The following SEPTIN10 variants were observed in gnomAD, a reference collection of about 807,000 sequenced individuals.
The protein encoded by SEPTIN10 is septin-10.
SEPTIN10 carries 66 observed loss-of-function variants against 54.8 expected under a neutral mutation model. The observed-to-expected ratio is 1.21, with a 90% CI of 0.99 to 1.48. The LOEUF is 1.48. Ranked by LOEUF, SEPTIN10 falls within the 40% of genes most tolerant of loss-of-function variation. The probability of loss-of-function intolerance (pLI) is 0.00; values close to 1 mark genes in which losing one functional copy is unlikely to be tolerated. For missense variants in SEPTIN10, 620 were observed against 545.6 expected, an observed-to-expected ratio of 1.14 and a Z score of -1.36; for synonymous variants, 161 against 181.0, an observed-to-expected ratio of 0.89 and a Z score of 0.89.
intron 2 of SEPTIN10, among the ~76,000 whole-genome samples, chr2:109,591,872 G>A (rs1191888378): frequency 6.6e-6 from 1 of 152,046 alleles, no homozygotes; most frequent in Non-Finnish European, 1.5e-5. Flanking sequence ...ACTCCAGCCT[G>A]GGCAACAGAG....
intron 1 of SEPTIN10, chr2:109,605,604 A>T (rs1313682893): frequency 6.6e-6 from 1 of 152,260 alleles, no homozygotes; most frequent in Non-Finnish European, 1.5e-5. Context: ...AGAATACCTG[A>T]GGATAAGCTA....
At chr2:109,549,265 T>C (rs1558694956) in intron 9 of SEPTIN10, among the ~76,000 whole-genome samples, 1 of 152,220 alleles carries the variant, frequency 6.6e-6, no homozygotes, top group Non-Finnish European at 1.5e-5. Context: ...TTCTATCACA[T>C]GACTAGAGAT....
intron 1 of SEPTIN10, among the ~76,000 whole-genome samples, chr2:109,601,956 C>T (rs113830640): frequency 0.016 from 2,477 of 152,228 alleles, 58 homozygotes; most frequent in African/African-American, 0.056. Flanking sequence ...TGGAAATGCG[C>T]TTCCCGAGGG....
intron 1 of SEPTIN10, chr2:109,605,736 T>C (rs1419667036): frequency 6.6e-6 from 1 of 152,226 alleles, no homozygotes; most frequent in East Asian, 1.9e-4. Flanking sequence ...GGTTCTTTAG[T>C]CCTCAGAGTT....
At chr2:109,545,848 A>C in intron 10 of SEPTIN10, 2 of 1,439,070 alleles carry the variant, frequency 1.4e-6, no homozygotes, top group African/African-American at 1.4e-5. Context: ...TGAACACATA[A>C]CATGTGCCAG....
chr2:109,569,844 G>A (rs1687938271), intron 5 of SEPTIN10, among the ~76,000 whole-genome samples: 1 of 147,342 alleles, frequency 6.8e-6, no homozygotes, highest in African/African-American at 2.6e-5. Flanking sequence ...TGTCACCAAT[G>A]GCGTAAGAGA....
chr2:109,577,912 CAAAAAAA>C (rs745439822), intron 4 of SEPTIN10, among the ~76,000 whole-genome samples: 1 of 92,344 alleles, frequency 1.1e-5, no homozygotes, highest in Non-Finnish European at 2.1e-5. Context: ...GACTTTGTCT[CAAAAAAA>C]AAAAAAAAAA....
intron 3 of SEPTIN10, 149 bp downstream of exon 3, chr2:109,585,572 C>A (rs904353733): frequency 1.4e-6 from 1 of 730,268 alleles, no homozygotes; most frequent in Non-Finnish European, 2.3e-6. Flanking sequence ...CTAAGAAAAA[C>A]AAAACTAACA....
chr2:109,554,037 A>G (rs185399674), intron 8 of SEPTIN10, among the ~76,000 whole-genome samples: 41 of 152,336 alleles, frequency 2.7e-4, no homozygotes, highest in African/African-American at 9.9e-4. Flanking sequence ...TCACAAAAAC[A>G]TTACCAAACT....
At chr2:109,596,406 A>T (rs1352155402) in intron 1 of SEPTIN10, among the ~76,000 whole-genome samples, 1 of 152,086 alleles carries the variant, frequency 6.6e-6, no homozygotes, top group African/African-American at 2.4e-5. Flanking sequence ...TCATGAGGTC[A>T]GGAGATCAAG....
intron 8 of SEPTIN10, among the ~76,000 whole-genome samples, chr2:109,556,061 A>T (rs1196445250): frequency 6.6e-6 from 1 of 152,152 alleles, no homozygotes; most frequent in Non-Finnish European, 1.5e-5. Flanking sequence ...CTCTCTAGAC[A>T]TTTCAGTTTC....
At chr2:109,590,980 C>A (rs1693927617) in intron 2 of SEPTIN10, among the ~76,000 whole-genome samples, 1 of 152,170 alleles carries the variant, frequency 6.6e-6, no homozygotes, top group South Asian at 2.1e-4. Flanking sequence ...GGAAGATGGG[C>A]CACGTCTGGC....
Position 109,564,435 on chromosome 2 carries a change from T to A in SEPTIN10, c.959A>T (p.Glu320Val). 6.3e-7 allele frequency: 1 copy of A among 1,599,210 alleles called. No individual in the cohort carries two copies. The highest frequency in any genetic ancestry group is 1.1e-5 in the South Asian group (1 of 87,902). Residue 320 changes from glutamate to valine, a missense_variant, in exon 8 of 11, where the codon GAG becomes GTG. Transcript: ENST00000397712. ...LREQTHTRHY[E>V]LYRRCKLEEM... ...CTCCAGTTTGCAGCGCCTGTAAAGC[T>A]CATAGTGCCTGGTATGGGTCTGCTC... is the stretch of plus-strand genomic sequence containing the variant.
intron 8 of SEPTIN10, among the ~76,000 whole-genome samples, chr2:109,554,568 C>T (rs960013225): frequency 2.0e-5 from 3 of 152,098 alleles, no homozygotes; most frequent in South Asian, 2.1e-4. Flanking sequence ...ATGAACTTAA[C>T]GCTTACAGCT....
intron 7 of SEPTIN10, 113 bp from the exon 8 acceptor site, chr2:109,564,647 A>C: frequency 1.1e-6 from 1 of 944,880 alleles, no homozygotes; most frequent in Non-Finnish European, 1.5e-6. Flanking sequence ...CAAATAGCAA[A>C]TGATCAGTTT....
At chr2:109,567,759 A>T in intron 6 of SEPTIN10, 56 bp downstream of exon 6, 1 of 1,488,012 alleles carries the variant, frequency 6.7e-7, no homozygotes, top group Non-Finnish European at 9.0e-7. Flanking sequence ...ATTACTCACA[A>T]ATTACAGTTT....
chr2:109,552,758 T>C (rs1051081752), intron 9 of SEPTIN10: 1 of 222,212 alleles, frequency 4.5e-6, no homozygotes, highest in Non-Finnish European at 8.9e-6. Flanking sequence ...ACCTAAAAAT[T>C]GTATACCGTG....
intron 1 of SEPTIN10, among the ~76,000 whole-genome samples, chr2:109,612,736 C>G (rs1333117532): frequency 1.3e-5 from 2 of 152,124 alleles, no homozygotes; most frequent in Non-Finnish European, 2.9e-5. Context: ...CACACAAACA[C>G]AGCAACTGAG....
At chr2:109,599,104 T>C (rs1695975319) in intron 1 of SEPTIN10, among the ~76,000 whole-genome samples, 1 of 152,052 alleles carries the variant, frequency 6.6e-6, no homozygotes, top group Non-Finnish European at 1.5e-5. Flanking sequence ...ATTCAGTTAT[T>C]CAAGCTAATG....
Sources: allele counts gnomAD v4.1 joint callset (sites outside exome capture counted in the v4.1 genomes callset), GRCh38; gene constraint gnomAD v4.1.1; transcripts MANE v1.5; gene names NCBI Gene and HGNC (gene_info 2026-07-23, HGNC 2026-07-21).